CACNA2D3: variants seen among roughly 807,000 people sequenced by gnomAD.
The protein encoded by CACNA2D3 is voltage-dependent calcium channel subunit alpha-2/delta-3.
CACNA2D3 carries 60 observed loss-of-function variants against 160.6 expected under a neutral mutation model. That is an observed-to-expected ratio of 0.37 (90% CI 0.30 to 0.46). The LOEUF is 0.46. CACNA2D3 is among the 20% of genes least tolerant of loss of function. The pLI, the probability that CACNA2D3 is intolerant of heterozygous loss-of-function variation, is 1.00. For missense variants in CACNA2D3, 1,205 were observed against 1,365.0 expected (o/e 0.88, Z 1.85); for synonymous variants, 558 against 492.9 (o/e 1.13, Z -1.75).
intron 4 of CACNA2D3, among the ~76,000 whole-genome samples, chr3:54,389,546 TAAAC>T (rs982558329): frequency 2.0e-5 from 3 of 152,264 alleles, no homozygotes; most frequent in East Asian, 1.9e-4. Flanking sequence ...GACACCACCT[TAAAC>T]AAATAATCGA....
chr3:54,879,346 C>A lies in CACNA2D3; in HGVS notation c.1783-4C>A. 1.3e-6 allele frequency: 2 copies of A among 1,564,822 alleles called. No homozygotes were observed. The highest frequency in any genetic ancestry group is 8.7e-7 in the Non-Finnish European group (1 of 1,155,592). On this transcript the variant is annotated splice_region_variant and splice_polypyrimidine_tract_variant and intron_variant, in intron 19 of 37. Coordinates refer to ENST00000474759, the MANE Select transcript of CACNA2D3 (RefSeq NM_018398.3). ...CTACGACTTTTTTTTTTTTTTCAAT[C>A]TAGAAACGGGTTTTGGTGATGACAA...
intron 35 of CACNA2D3, among the ~76,000 whole-genome samples, chr3:55,024,166 C>A (rs1183702542): frequency 6.9e-6 from 1 of 145,342 alleles, no homozygotes; most frequent in Non-Finnish European, 1.5e-5. Context: ...GTTCTGACTT[C>A]ACTAATTATT....
intron 5 of CACNA2D3, among the ~76,000 whole-genome samples, chr3:54,518,295 A>G (rs1048655829): frequency 3.9e-5 from 6 of 152,180 alleles, no homozygotes; most frequent in Non-Finnish European, 8.8e-5. Flanking sequence ...CCCCTACAGC[A>G]TGATGGGGAG....
At position 54,519,033 on chromosome 3, in the gene CACNA2D3, A is replaced by G. The variant is rs529625425; in HGVS notation, c.544+15379A>G. ...GTGGGGGTCCGAGTGCCACCTGCAC[A>G]CGGAAGTCATGGTGACGAACATGCT... On this transcript the variant is annotated intron_variant, in intron 5 of 37. Coordinates refer to ENST00000474759, the MANE Select transcript of CACNA2D3 (RefSeq NM_018398.3). Among the ~76,000 whole-genome samples, 5 of 151,936 alleles carry G rather than the reference A, an allele frequency of 3.3e-5. No homozygotes were observed. The South Asian group carries it at 6.4e-4, about 19-fold the overall frequency.
intron 4 of CACNA2D3, among the ~76,000 whole-genome samples, chr3:54,417,561 T>C (rs1351445930): frequency 6.6e-6 from 1 of 152,174 alleles, no homozygotes; most frequent in Admixed American, 6.5e-5. Flanking sequence ...TTAGGAAATC[T>C]AGCAACTTCT....
intron 11 of CACNA2D3, among the ~76,000 whole-genome samples, chr3:54,708,429 G>T (rs1700894020): frequency 6.6e-6 from 1 of 152,170 alleles, no homozygotes; most frequent in African/African-American, 2.4e-5. Flanking sequence ...CAAAGTGACA[G>T]AAAAATAACC....
chr3:54,606,825 T>C (rs1698637412), intron 9 of CACNA2D3, among the ~76,000 whole-genome samples: 2 of 152,070 alleles, frequency 1.3e-5, no homozygotes, highest in Admixed American at 6.5e-5. Flanking sequence ...CCCTCTTTGC[T>C]CAACTCTGAC....
chr3:54,123,416 C>A, intron 1 of CACNA2D3, 97 bp from the exon 2 acceptor site: 1 of 848,262 alleles, frequency 1.2e-6, no homozygotes, highest in Non-Finnish European at 2.1e-6. Context: ...CATCGCACTG[C>A]TCCTTCAGCC....
intron 14 of CACNA2D3, among the ~76,000 whole-genome samples, chr3:54,828,752 C>T (rs1465353120): frequency 3.3e-5 from 5 of 152,084 alleles, no homozygotes; most frequent in Admixed American, 3.3e-4. Context: ...AATCTGTTTA[C>T]TTTTGTATTT....
In CACNA2D3 at chr3:54,122,753, G is replaced by A. The variant is rs1468343451; in HGVS notation, c.40G>A (p.Ala14Thr). Residue 14 changes from alanine (A) to threonine (T), a missense_variant, in exon 1 of 38, where the codon GCC becomes ACC. Transcript: ENST00000474759. The stretch of plus-strand genomic sequence containing the variant: ...CTCGCCGCGCCGCGCGTCCCGGGGG[G>A]CCTCGGCGCTTCTCGCTGCCGCGCT... ...PGSPRRASRG[A>T]SALLAAALLY... The A allele has an allele frequency of 4.9e-6, 6 of 1,221,652 alleles. No individual in the cohort carries two copies. The highest frequency in any genetic ancestry group is 8.6e-5 in the Admixed American group (2 of 23,130). 75.7% of individuals were successfully genotyped at this position (1,221,652 alleles called of 1,614,324 possible).
intron 4 of CACNA2D3, among the ~76,000 whole-genome samples, chr3:54,393,601 T>G (rs981073470): frequency 3.3e-5 from 5 of 152,220 alleles, no homozygotes; most frequent in African/African-American, 1.2e-4. Flanking sequence ...CCTCAGAGCT[T>G]AAGCAGAAGC....
chr3:54,200,258 G>A (rs1354401959), intron 2 of CACNA2D3, among the ~76,000 whole-genome samples: 1 of 152,210 alleles, frequency 6.6e-6, no homozygotes, highest in African/African-American at 2.4e-5. Context: ...GGTTGGGTGG[G>A]TAGTCCATCC....
At chr3:54,187,102 G>A (rs1054156988) in intron 2 of CACNA2D3, among the ~76,000 whole-genome samples, 4 of 152,168 alleles carry the variant, frequency 2.6e-5, no homozygotes, top group African/African-American at 4.8e-5. Flanking sequence ...TGTAGGACGC[G>A]GTGACTTTCA....
intron 27 of CACNA2D3, among the ~76,000 whole-genome samples, chr3:54,935,136 C>T (rs1331297882): frequency 3.3e-5 from 5 of 152,312 alleles, no homozygotes; most frequent in African/African-American, 1.2e-4. Context: ...GTTTCCCTGA[C>T]ACTGTCTAAC....
chr3:54,161,997 T>C (rs1700353697), intron 2 of CACNA2D3, among the ~76,000 whole-genome samples: 1 of 152,202 alleles, frequency 6.6e-6, no homozygotes. Context: ...TGGTGAATCC[T>C]GGAGGGGCTC....
At chr3:54,962,936 TTGTTTTATTTCTAATTTTATA>T (rs1195135959) in intron 27 of CACNA2D3, among the ~76,000 whole-genome samples, 3 of 152,144 alleles carry the variant, frequency 2.0e-5, no homozygotes, top group African/African-American at 7.2e-5. Flanking sequence ...ATGAGAAAAG[TTGTTTTATTTCTAATTTTATA>T]TGTTTTATTT....
chr3:54,505,220 C>T (rs1701350398), intron 5 of CACNA2D3, among the ~76,000 whole-genome samples: 1 of 152,106 alleles, frequency 6.6e-6, no homozygotes, highest in African/African-American at 2.4e-5. Flanking sequence ...TCAGATGCAG[C>T]CCCTCCCTCA....
intron 11 of CACNA2D3, among the ~76,000 whole-genome samples, chr3:54,679,534 G>A (rs1700304848): frequency 6.6e-6 from 1 of 152,160 alleles, no homozygotes. Flanking sequence ...CCAGATTGTG[G>A]TAGGCCTCCA....
intron 2 of CACNA2D3, among the ~76,000 whole-genome samples, chr3:54,292,710 C>T (rs140475250): frequency 9.8e-5 from 15 of 152,288 alleles, no homozygotes; most frequent in African/African-American, 2.9e-4. Flanking sequence ...AATCAGAACC[C>T]TCATATGTTG....
Sources: allele counts gnomAD v4.1 joint callset (sites outside exome capture counted in the v4.1 genomes callset), GRCh38; gene constraint gnomAD v4.1.1; transcripts MANE v1.5; gene names NCBI Gene and HGNC (gene_info 2026-07-23, HGNC 2026-07-21).